The following HHIPL1 variants were observed in gnomAD, a reference collection of about 807,000 sequenced individuals.
The protein encoded by HHIPL1 is HHIP like 1.
A neutral mutation model predicts 61.8 loss-of-function variants in HHIPL1; 43 were observed. The observed-to-expected ratio is 0.70, with a 90% CI of 0.55 to 0.90. HHIPL1 has a LOEUF of 0.90. Ranked by LOEUF, HHIPL1 falls within the 40% of genes least tolerant of loss-of-function variation. The pLI, the probability that HHIPL1 is intolerant of heterozygous loss-of-function variation, is 0.00. For synonymous variants in HHIPL1, 482 were observed against 515.8 expected (o/e 0.93, Z 0.89); for missense variants, 1,056 against 1,157.7 (o/e 0.91, Z 1.28).
At chr14:99,654,805 C>T (rs1023319260) in intron 2 of HHIPL1, among the ~76,000 whole-genome samples, 3 of 152,164 alleles carry the variant, frequency 2.0e-5, no homozygotes, top group Non-Finnish European at 2.9e-5. Flanking sequence ...CTTACAGGAG[C>T]CTGTACAGCC....
At chr14:99,633,067 C>T in the HHIPL1 span, among the ~76,000 whole-genome samples, 3 of 151,992 alleles carry the variant, frequency 2.0e-5, no homozygotes, top group African/African-American at 4.8e-5. Flanking sequence ...GAGACAGAGG[C>T]GCCTCCCAGG....
intron 1 of HHIPL1, among the ~76,000 whole-genome samples, chr14:99,651,166 T>C (rs921990883): frequency 1.3e-5 from 2 of 152,178 alleles, no homozygotes; most frequent in Non-Finnish European, 2.9e-5. Flanking sequence ...GGAGCATCTC[T>C]TGAGCCCAGG....
the HHIPL1 span, among the ~76,000 whole-genome samples, chr14:99,617,281 A>T: frequency 6.6e-3 from 1,001 of 152,356 alleles, 8 homozygotes; most frequent in African/African-American, 0.023. Flanking sequence ...GATCATCGTC[A>T]TAAAACCCTT....
In HHIPL1 at chr14:99,675,180, C is replaced by T; in HGVS notation, c.1903C>T (p.Pro635Ser). ...CCGAGGGCGCCCCACGGCCGCTCCC[C>T]CCGCGCCAACCCCGCGGCCAGCGCG... Reference protein sequence around the residue: ...PRRGRPTAAPPAPTPRPARPT... With the variant: ...PRRGRPTAAPSAPTPRPARPT... Residue 635 changes from proline to serine, a missense_variant, in exon 9 of 9, where the codon CCC becomes TCC. Physicochemically the swap from Pro to Ser is moderately conservative, Grantham distance 74 (BLOSUM62 -1). Transcript: ENST00000330710. The surrounding 1 kb of genome is among the most constrained non-coding windows in gnomAD (Gnocchi z 5.4). 1.8e-6 allele frequency: 2 copies of T among 1,126,394 alleles called. No individual in the cohort carries two copies. Among genetic ancestry groups the T allele is most frequent in the South Asian group, 4.3e-5 (1 of 23,272 alleles). 69.8% of individuals were successfully genotyped at this position (1,126,394 alleles called of 1,614,324 possible).
chr14:99,645,256 G>A lies in HHIPL1; in HGVS notation c.49G>A (p.Ala17Thr). ...GALLALWVLG[A>T]AAHPQCLDFR... ...GCTGCTGGCGCTTTGGGTGCTCGGG[G>A]CCGCCGCGCATCCGCAGTGCCTGGA... Residue 17 changes from alanine to threonine, a missense_variant, in exon 1 of 9, where the codon GCC becomes ACC. Physicochemically the swap from Ala to Thr is moderately conservative, Grantham distance 58. Coordinates refer to ENST00000330710, the MANE Select transcript of HHIPL1 (RefSeq NM_001127258.3). The A allele has an allele frequency of 7.2e-7, 1 of 1,394,202 alleles. No individual in the cohort carries two copies. The allele number at this position is 1,394,202 out of a possible 1,614,324, so 86.4% of individuals were successfully genotyped here. A position where few individuals can be genotyped will look rare whatever the true frequency, so the allele number is the denominator to read the frequency against.
chr14:99,633,263 G>T, the HHIPL1 span, among the ~76,000 whole-genome samples: 1 of 152,212 alleles, frequency 6.6e-6, no homozygotes, highest in Admixed American at 6.5e-5. Context: ...TCACCCCCAG[G>T]GGAGGGTGCG....
the HHIPL1 span, among the ~76,000 whole-genome samples, chr14:99,621,709 CTTTTTTTTTT>C: frequency 1.2e-5 from 1 of 84,534 alleles, no homozygotes; most frequent in Admixed American, 1.7e-4. Context: ...CTTTTCTTTT[CTTTTTTTTTT>C]TTTTTTTTTT....
At chr14:99,637,659 T>C in the HHIPL1 span, among the ~76,000 whole-genome samples, 2 of 152,176 alleles carry the variant, frequency 1.3e-5, no homozygotes, top group African/African-American at 2.4e-5. Context: ...CTGTCTTCTC[T>C]GTGGAACCTG....
At chr14:99,634,649 A>T in the HHIPL1 span, among the ~76,000 whole-genome samples, 1 of 152,186 alleles carries the variant, frequency 6.6e-6, no homozygotes, top group Non-Finnish European at 1.5e-5. Context: ...CAGCTGGGCC[A>T]CACGGTTGTG....
intron 5 of HHIPL1, among the ~76,000 whole-genome samples, chr14:99,662,096 T>G (rs1294669182): frequency 6.6e-6 from 1 of 152,142 alleles, no homozygotes; most frequent in Non-Finnish European, 1.5e-5. Flanking sequence ...TCAACTAATT[T>G]TGCCAGTATT....
the HHIPL1 span, among the ~76,000 whole-genome samples, chr14:99,635,481 G>C: frequency 1.3e-5 from 2 of 152,148 alleles, no homozygotes; most frequent in Non-Finnish European, 2.9e-5. Flanking sequence ...AGCATCCACA[G>C]GAAAGTGGGG....
chr14:99,621,186 C>A, the HHIPL1 span, among the ~76,000 whole-genome samples: 1 of 152,278 alleles, frequency 6.6e-6, no homozygotes, highest in African/African-American at 2.4e-5. Flanking sequence ...GTAATCTCAA[C>A]CTCCCTGGCT....
At chr14:99,649,554 G>T (rs1376685200) in intron 1 of HHIPL1, among the ~76,000 whole-genome samples, 2 of 152,198 alleles carry the variant, frequency 1.3e-5, no homozygotes, top group African/African-American at 2.4e-5. Context: ...ACTTTGGCGG[G>T]CCAAGGCGGG....
chr14:99,660,236 C>A lies in HHIPL1; in HGVS notation c.1376-44C>A. The stretch of plus-strand genomic sequence containing the variant: ...GGAATTCTCCTGGCTGATGAACCTT[C>A]CCGCCGCTGGCTCACCGAAGCTTCT... On this transcript the variant is annotated intron_variant, in intron 4 of 8. Coordinates refer to ENST00000330710, the MANE Select transcript of HHIPL1 (RefSeq NM_001127258.3). The surrounding 1 kb of genome is among the most constrained non-coding windows in gnomAD (Gnocchi z 4.9). The A allele has an allele frequency of 6.2e-7, 1 of 1,611,488 alleles. No homozygotes were observed. The highest frequency in any genetic ancestry group is 8.5e-7 in the Non-Finnish European group (1 of 1,178,970).
At chr14:99,667,798 A>G (rs1595167693) in intron 6 of HHIPL1, among the ~76,000 whole-genome samples, 1 of 152,230 alleles carries the variant, frequency 6.6e-6, no homozygotes, top group Non-Finnish European at 1.5e-5. Context: ...GAGGAAGCTG[A>G]GGCTCAGAGA....
chr14:99,645,263 C>A lies in HHIPL1; in HGVS notation c.56C>A (p.Ala19Glu). Residue 19 changes from alanine (A) to glutamate (E), a missense_variant, in exon 1 of 9, where the codon GCG (alanine) becomes GAG (glutamate). Transcript: ENST00000330710. ...LLALWVLGAA[A>E]HPQCLDFRPP... Reference sequence around the variant, plus strand: ...GCGCTTTGGGTGCTCGGGGCCGCCGCGCATCCGCAGTGCCTGGACTTCAGG... The same window carrying A: ...GCGCTTTGGGTGCTCGGGGCCGCCGAGCATCCGCAGTGCCTGGACTTCAGG... 2 of 1,404,578 alleles carry A rather than the reference C, an allele frequency of 1.4e-6. No homozygotes were observed. Among genetic ancestry groups the A allele is most frequent in the South Asian group, 1.5e-5 (1 of 65,630 alleles). 87.0% of individuals were successfully genotyped at this position (1,404,578 alleles called of 1,614,324 possible).
chr14:99,622,430 A>T, the HHIPL1 span, among the ~76,000 whole-genome samples: 1 of 152,284 alleles, frequency 6.6e-6, no homozygotes, highest in South Asian at 2.1e-4. Context: ...CCCAAATGAC[A>T]GCATGAAGAG....
intron 7 of HHIPL1, 27 bp from the exon 8 acceptor site, chr14:99,672,290 T>G (rs1345390619): frequency 1.3e-6 from 2 of 1,548,100 alleles, no homozygotes; most frequent in Admixed American, 3.9e-5. Flanking sequence ...AGGGTGAGAC[T>G]CATAACCTCC....
At chr14:99,645,046 G>A (rs2055805071), upstream of HHIPL1, 1 of 539,524 alleles carries the variant, frequency 1.9e-6, no homozygotes, top group Admixed American at 4.5e-5. Context: ...CAGTCCCGCC[G>A]AGTGTCCCCG....
Sources: allele counts gnomAD v4.1 joint callset (sites outside exome capture counted in the v4.1 genomes callset), GRCh38; gene constraint gnomAD v4.1.1; non-coding constraint Gnocchi (gnomAD v3.1); transcripts MANE v1.5; gene names NCBI Gene and HGNC (gene_info 2026-07-23, HGNC 2026-07-21).